Variants in ANKFN1 observed in about 807,000 individuals in gnomAD.
The protein encoded by ANKFN1 is ankyrin repeat and fibronectin type-III domain-containing protein 1.
Under a neutral mutation model 108.7 loss-of-function variants are expected in ANKFN1, and 74 were observed. The ratio of observed to expected loss-of-function variants is 0.68; its 90% CI spans 0.56 to 0.83. The LOEUF (loss-of-function observed/expected upper bound fraction) is 0.83, where lower values mean the gene tolerates loss of function less well. ANKFN1 is among the 40% of genes least tolerant of loss of function. The pLI is 0.00. For missense variants in ANKFN1, 1,505 were observed against 1,382.3 expected (o/e 1.09, Z -1.41); for synonymous variants, 547 against 516.2 (o/e 1.06, Z -0.81).
At chr17:56,163,312 C>T (rs1010733780) in intron 1 of ANKFN1, among the ~76,000 whole-genome samples, 2 of 152,120 alleles carry the variant, frequency 1.3e-5, no homozygotes, top group Admixed American at 6.5e-5. Flanking sequence ...ATTATTACCT[C>T]CACTACGCAT....
chr17:56,223,184 A>G (rs1916006383), intron 2 of ANKFN1, among the ~76,000 whole-genome samples: 1 of 152,228 alleles, frequency 6.6e-6, no homozygotes, highest in Non-Finnish European at 1.5e-5. Context: ...TTATATGCTT[A>G]TGCTTTCATA....
intron 4 of ANKFN1, among the ~76,000 whole-genome samples, chr17:56,126,458 T>G (rs1906941050): frequency 6.6e-6 from 1 of 152,188 alleles, no homozygotes; most frequent in Non-Finnish European, 1.5e-5. Flanking sequence ...TATGTTCCAA[T>G]TTTTATTGCT....
chr17:56,324,325 T>C (rs2144524538), intron 3 of ANKFN1, among the ~76,000 whole-genome samples: 1 of 152,340 alleles, frequency 6.6e-6, no homozygotes, highest in East Asian at 1.9e-4. Context: ...AAATGTCTAT[T>C]GAAGAGTAGA....
chr17:56,211,645 G>A (rs373927293), intron 1 of ANKFN1, among the ~76,000 whole-genome samples: 13 of 152,046 alleles, frequency 8.6e-5, no homozygotes, highest in African/African-American at 2.2e-4. Flanking sequence ...TGTGAAGAAC[G>A]ATGGTGGCAT....
At chr17:56,129,319 C>G (rs1282645786) in intron 4 of ANKFN1, among the ~76,000 whole-genome samples, 2 of 152,174 alleles carry the variant, frequency 1.3e-5, no homozygotes, top group Non-Finnish European at 1.5e-5. Context: ...ACCCAAAACA[C>G]TTCTTTCAAA....
At position 56,090,898 on chromosome 17, in the gene ANKFN1, G is replaced by A. The variant is rs746741668; in HGVS notation, c.288+44573G>A. ...GCTGGGATTACAGGTGTGAGCCACC[G>A]TGCCTGGCTAGGCGTTTGCTTTAAT... On this transcript the variant is annotated intron_variant, in intron 4 of 12. Coordinates refer to the ANKFN1 transcript ENST00000635860. Among the ~76,000 whole-genome samples, 13 of 151,204 alleles carry A rather than the reference G, an allele frequency of 8.6e-5. 1 individual carries two copies. The highest frequency in any genetic ancestry group is 1.9e-4 in the African/African-American group (8 of 41,196).
chr17:56,072,793 C>T lies in ANKFN1; in HGVS notation c.288+26468C>T, dbSNP rs142846021. 5.8e-3 allele frequency among the ~76,000 whole-genome samples: 881 copies of T among 152,116 alleles called. 10 individuals carry two copies. Among genetic ancestry groups the T allele is most frequent in the African/African-American group, 0.021 (851 of 41,500 alleles). Reference sequence around the variant, plus strand: ...TATCATGAAAAGATGGCATTATCTACAGATGGGTGAAGTGCAGATGAGGAG... The same window carrying T: ...TATCATGAAAAGATGGCATTATCTATAGATGGGTGAAGTGCAGATGAGGAG... On this transcript the variant is annotated intron_variant, in intron 4 of 12. Transcript: ENST00000635860.
At position 56,516,425 on chromosome 17, in the gene ANKFN1, G is replaced by T. The variant is rs936664133; in HGVS notation, c.*5156G>T. Among the ~76,000 whole-genome samples the T allele has an allele frequency of 6.6e-6, 1 of 152,116 alleles. No homozygotes were observed. The highest frequency in any genetic ancestry group is 1.5e-5 in the Non-Finnish European group (1 of 68,008). On this transcript the variant is annotated 3_prime_UTR_variant, in exon 21 of 21. Transcript: ENST00000682825. ...GGTTGTTACTTGTTCAGAATTTATT[G>T]TGTCTTATTGCTATGTATGCAACTG... is the stretch of plus-strand genomic sequence containing the variant.
chr17:56,366,174 A>G (rs1440154300), intron 6 of ANKFN1, among the ~76,000 whole-genome samples: 1 of 152,136 alleles, frequency 6.6e-6, no homozygotes, highest in Non-Finnish European at 1.5e-5. Context: ...ATTTTTTTTA[A>G]TTTTTTAAAA....
At chr17:56,391,270 CAT>C (rs1221253050) in intron 8 of ANKFN1, among the ~76,000 whole-genome samples, 2 of 110,044 alleles carry the variant, frequency 1.8e-5, no homozygotes, top group Non-Finnish European at 1.8e-5. Context: ...TGTGTGTGTA[CAT>C]ATATATATGT....
chr17:56,399,357 A>G (rs1278837397), intron 8 of ANKFN1, among the ~76,000 whole-genome samples: 2 of 152,246 alleles, frequency 1.3e-5, no homozygotes, highest in East Asian at 1.9e-4. Flanking sequence ...CTCACTTTTT[A>G]AGAGAACTTC....
chr17:56,418,019 A>C (rs1483706065), intron 8 of ANKFN1, among the ~76,000 whole-genome samples: 1 of 152,162 alleles, frequency 6.6e-6, no homozygotes, highest in Admixed American at 6.5e-5. Flanking sequence ...ATTTCTTTCA[A>C]CTTTTATTTG....
At chr17:56,282,481 A>C (rs1251830724) in intron 3 of ANKFN1, among the ~76,000 whole-genome samples, 1 of 152,196 alleles carries the variant, frequency 6.6e-6, no homozygotes, top group Non-Finnish European at 1.5e-5. Context: ...TTAAAATTTC[A>C]AAAACCATTT....
intron 11 of ANKFN1, 68 bp from the exon 12 acceptor site, chr17:56,456,793 G>A: frequency 2.3e-6 from 3 of 1,320,282 alleles, no homozygotes; most frequent in Non-Finnish European, 3.3e-6. Flanking sequence ...AGGAAGGTAG[G>A]AAAATGGAAT....
chr17:56,382,008 A>C (rs2144819131), intron 8 of ANKFN1, among the ~76,000 whole-genome samples: 1 of 152,286 alleles, frequency 6.6e-6, no homozygotes, highest in South Asian at 2.1e-4. Context: ...GTTGAAATGA[A>C]GGAAAAAATG....
At chr17:56,063,492 C>T (rs1339692768) in intron 4 of ANKFN1, among the ~76,000 whole-genome samples, 3 of 151,634 alleles carry the variant, frequency 2.0e-5, no homozygotes, top group African/African-American at 4.8e-5. Flanking sequence ...CTTATTTCAG[C>T]AAGGTGGTCT....
chr17:56,510,554 T>G lies in ANKFN1; in HGVS notation c.2726T>G (p.Leu909Arg). The G allele has an allele frequency of 6.5e-7, 1 of 1,536,176 alleles. No individual in the cohort carries two copies. Among genetic ancestry groups the G allele is most frequent in the Non-Finnish European group, 8.7e-7 (1 of 1,146,902 alleles). ...TNSDYDSSDA[L>R]SPRDLDLVYL... ...AGTGACTACGACTCCAGCGATGCCC[T>G]GAGCCCCAGAGACCTGGACCTGGTC... is the stretch of plus-strand genomic sequence containing the variant. Residue 909 changes from leucine (L) to arginine (R), a missense_variant, in exon 21 of 21, where the codon CTG (leucine) becomes CGG (arginine). Leu to Arg is a moderately radical substitution (Grantham distance 102, BLOSUM62 -2). Transcript: ENST00000682825.
At chr17:56,416,919 G>T (rs2048256682) in intron 8 of ANKFN1, among the ~76,000 whole-genome samples, 1 of 152,140 alleles carries the variant, frequency 6.6e-6, no homozygotes, top group South Asian at 2.1e-4. Context: ...CATGGATGGG[G>T]CTGGAGGTCA....
chr17:56,424,355 G>A (rs116278903), intron 8 of ANKFN1, among the ~76,000 whole-genome samples: 1,720 of 152,240 alleles, frequency 0.011, 28 homozygotes, highest in African/African-American at 0.039. Context: ...ACTGGATTTT[G>A]AACCCAGACA....
Sources: allele counts gnomAD v4.1 joint callset (sites outside exome capture counted in the v4.1 genomes callset), GRCh38; gene constraint gnomAD v4.1.1; transcripts MANE v1.5; gene names NCBI Gene and HGNC (gene_info 2026-07-23, HGNC 2026-07-21).